The following COL5A2 variants were observed in gnomAD, a reference collection of about 807,000 sequenced individuals.
The protein encoded by COL5A2 is collagen alpha-2(V) chain.
A neutral mutation model predicts 208.2 loss-of-function variants in COL5A2; 23 were observed. The observed-to-expected ratio is 0.11, with a 90% confidence interval of 0.08 to 0.16. The LOEUF is 0.16. COL5A2 is among the 10% of genes least tolerant of loss of function. The probability of loss-of-function intolerance (pLI) is 1.00; values close to 1 mark genes in which losing one functional copy is unlikely to be tolerated. For missense variants in COL5A2, 1,590 were observed against 1,956.4 expected (o/e 0.81, Z 3.53); for synonymous variants, 625 against 628.5 (o/e 0.99, Z 0.08).
intron 12 of COL5A2, 82 bp downstream of exon 12, chr2:189,083,902 T>C (rs1686593314): frequency 1.0e-6 from 1 of 994,178 alleles, no homozygotes; most frequent in Non-Finnish European, 1.6e-6. Context: ...TAGTGCCTGA[T>C]ACATGTGCAT....
intron 1 of COL5A2, among the ~76,000 whole-genome samples, chr2:189,135,953 G>C (rs1400886317): frequency 6.6e-6 from 1 of 152,178 alleles, no homozygotes; most frequent in African/African-American, 2.4e-5. Context: ...GTTATTGCAG[G>C]TGTAAACCTT....
At chr2:189,245,061 A>T in the COL5A2 span, among the ~76,000 whole-genome samples, 2 of 152,116 alleles carry the variant, frequency 1.3e-5, no homozygotes, top group Non-Finnish European at 2.9e-5. Context: ...TAAAAGGAAG[A>T]CCCACCCCCA....
the COL5A2 span, among the ~76,000 whole-genome samples, chr2:189,389,577 C>T: frequency 6.6e-6 from 1 of 152,090 alleles, no homozygotes; most frequent in African/African-American, 2.4e-5. Context: ...TAGAATCACT[C>T]CATAAATTTT....
chr2:189,152,326 G>A (rs145502389), intron 1 of COL5A2, among the ~76,000 whole-genome samples: 1 of 152,086 alleles, frequency 6.6e-6, no homozygotes, highest in African/African-American at 2.4e-5. Flanking sequence ...CATGCCTTCC[G>A]GGCTACAAGT....
intron 1 of COL5A2, among the ~76,000 whole-genome samples, chr2:189,117,994 A>T (rs1220289555): frequency 6.6e-6 from 1 of 152,108 alleles, no homozygotes; most frequent in Admixed American, 6.5e-5. Flanking sequence ...AAGTCATTTC[A>T]TAATATTCTT....
At chr2:189,126,737 A>T (rs540097737) in intron 1 of COL5A2, among the ~76,000 whole-genome samples, 5 of 152,138 alleles carry the variant, frequency 3.3e-5, no homozygotes, top group Admixed American at 6.6e-5. Flanking sequence ...CCAGTGTGCC[A>T]TGTAGGGGAT....
chr2:189,369,726 A>G, the COL5A2 span, among the ~76,000 whole-genome samples: 1 of 152,214 alleles, frequency 6.6e-6, no homozygotes, highest in African/African-American at 2.4e-5. Context: ...CATAATTCCA[A>G]AACAAACATT....
intron 31 of COL5A2, among the ~76,000 whole-genome samples, chr2:189,059,206 G>A (rs2105580031): frequency 6.6e-6 from 1 of 152,146 alleles, no homozygotes; most frequent in Non-Finnish European, 1.5e-5. Context: ...CATGCTAAAT[G>A]TCTTTTTTTA....
the COL5A2 span, among the ~76,000 whole-genome samples, chr2:189,404,897 C>A: frequency 6.6e-6 from 1 of 152,116 alleles, no homozygotes; most frequent in East Asian, 1.9e-4. Flanking sequence ...ATGTGTTTAT[C>A]CACTCTCCTG....
In COL5A2 at chr2:189,099,060, C is replaced by T. The variant is rs55850163; in HGVS notation, c.370-301G>A. Among the ~76,000 whole-genome samples, 20,207 of 152,126 alleles carry T rather than the reference C, an allele frequency of 0.13. 1,374 individuals carry two copies. Among genetic ancestry groups the T allele is most frequent in the Middle Eastern group, 0.19 (56 of 294 alleles). On this transcript the variant is annotated intron_variant, in intron 4 of 53. Transcript: ENST00000374866. ...TGACTTTGGACTAATTACTTATCCT[C>T]TCTGTTCTTAAGGATCTTAAGTGGA... is the stretch of plus-strand genomic sequence containing the variant.
At chr2:189,366,158 G>A in the COL5A2 span, among the ~76,000 whole-genome samples, 3 of 152,136 alleles carry the variant, frequency 2.0e-5, no homozygotes, top group Non-Finnish European at 4.4e-5. Context: ...ATTGAGCTAA[G>A]AAATGTAAAG....
intron 1 of COL5A2, among the ~76,000 whole-genome samples, chr2:189,203,089 T>G (rs748308471): frequency 2.0e-5 from 3 of 152,112 alleles, no homozygotes; most frequent in Non-Finnish European, 4.4e-5. Flanking sequence ...AATGTATATT[T>G]TGGAAAGAAA....
the COL5A2 span, among the ~76,000 whole-genome samples, chr2:189,389,237 G>A: frequency 2.6e-5 from 4 of 152,086 alleles, no homozygotes; most frequent in African/African-American, 9.7e-5. Flanking sequence ...TTATGTGACA[G>A]TAGACAATAA....
the COL5A2 span, among the ~76,000 whole-genome samples, chr2:189,297,138 T>C: frequency 1.3e-5 from 2 of 152,236 alleles, no homozygotes; most frequent in Admixed American, 1.3e-4. Context: ...TGCTTTTGAT[T>C]GATTTCCAGT....
the COL5A2 span, among the ~76,000 whole-genome samples, chr2:189,387,597 C>A: frequency 6.6e-6 from 1 of 152,162 alleles, no homozygotes; most frequent in South Asian, 2.1e-4. Flanking sequence ...ATTTTTGCAT[C>A]CAAGAAGATT....
the COL5A2 span, among the ~76,000 whole-genome samples, chr2:189,296,063 T>A: frequency 1.3e-5 from 2 of 152,142 alleles, no homozygotes; most frequent in Admixed American, 1.3e-4. Flanking sequence ...CCTCATTCTC[T>A]TCTCTTCTGA....
the COL5A2 span, among the ~76,000 whole-genome samples, chr2:189,409,629 A>G: frequency 2.0e-5 from 3 of 152,220 alleles, no homozygotes; most frequent in Admixed American, 6.5e-5. Flanking sequence ...AATTTCTTAA[A>G]AACTATTCAC....
intron 1 of COL5A2, among the ~76,000 whole-genome samples, chr2:189,143,651 C>T (rs1360250402): frequency 6.6e-6 from 1 of 152,142 alleles, no homozygotes; most frequent in Admixed American, 6.6e-5. Context: ...ACAACTCATA[C>T]TCTGATTAGG....
At chr2:189,340,511 G>C in the COL5A2 span, among the ~76,000 whole-genome samples, 1 of 152,180 alleles carries the variant, frequency 6.6e-6, no homozygotes, top group South Asian at 2.1e-4. Flanking sequence ...AGCTCCCTAG[G>C]CTCCCAAACC....
Sources: gnomAD v4.1 joint callset for allele counts (sites outside exome capture counted in the v4.1 genomes callset) on GRCh38, gnomAD v4.1.1 for gene constraint, MANE v1.5 for transcripts, NCBI Gene and HGNC (gene_info 2026-07-23, HGNC 2026-07-21) for gene names.